Variants in NR2C2 observed in about 807,000 individuals in gnomAD.
NR2C2 encodes the protein nuclear receptor subfamily 2 group C member 2.
Under a neutral mutation model 62.9 loss-of-function variants are expected in NR2C2, and 6 were observed. The ratio of observed to expected loss-of-function variants is 0.10; its 90% CI spans 0.05 to 0.19. The LOEUF is 0.19. Among genes scored for constraint, NR2C2 ranks in the 10% least tolerant of loss-of-function variants. The pLI is 1.00. For synonymous variants in NR2C2, 272 were observed against 273.8 expected (o/e 0.99, Z 0.07); for missense variants, 479 against 762.7 (o/e 0.63, Z 4.38).
At chr3:15,018,363 A>G (rs934680541) in intron 4 of NR2C2, among the ~76,000 whole-genome samples, 13 of 152,336 alleles carry the variant, frequency 8.5e-5, no homozygotes, top group Non-Finnish European at 1.0e-4. Context: ...ACACCTGACA[A>G]AGGGTTACTA....
At chr3:14,982,607 T>C (rs886466803) in intron 1 of NR2C2, among the ~76,000 whole-genome samples, 5 of 152,214 alleles carry the variant, frequency 3.3e-5, no homozygotes, top group Non-Finnish European at 7.3e-5. Flanking sequence ...TGAAATTTTA[T>C]TTTCTCTCAC....
At chr3:14,948,838 C>T (rs578100983) in intron 1 of NR2C2, 2 of 152,332 alleles carry the variant, frequency 1.3e-5, no homozygotes, top group East Asian at 1.9e-4. Flanking sequence ...GGCGAATCCC[C>T]TAATGAGGCT....
chr3:15,035,985 G>A (rs914391747), intron 11 of NR2C2, among the ~76,000 whole-genome samples: 9 of 152,280 alleles, frequency 5.9e-5, no homozygotes, highest in Admixed American at 2.0e-4. Context: ...CCGAGATCAC[G>A]CCACTGCACT....
rs562062919 is a variant in NR2C2 at position 15,047,621 on chromosome 3, T to C, written c.*4613T>C. On this transcript the variant is annotated 3_prime_UTR_variant, in exon 14 of 14. Transcript: ENST00000425241. ...AAAGATGGTAGCAATTTCCCAGGCT[T>C]GCGCTGTGCTCAGTCAGCAAGATGT... 5 of 152,232 alleles carry C rather than the reference T, an allele frequency of 3.3e-5. No individual in the cohort carries two copies. Among genetic ancestry groups the C allele is most frequent in the Non-Finnish European group, 7.3e-5 (5 of 68,050 alleles). The allele number at this position is 152,232 out of a possible 1,614,324, so 9.4% of individuals were successfully genotyped here. A position where few individuals can be genotyped will look rare whatever the true frequency, so the allele number is the denominator to read the frequency against.
chr3:14,949,166 CACTAGAGTTGGGGGCTGGG>C (rs554607370), intron 1 of NR2C2, among the ~76,000 whole-genome samples: 2 of 151,102 alleles, frequency 1.3e-5, no homozygotes, highest in East Asian at 4.0e-4. Flanking sequence ...CCCCTGCCCT[CACTAGAGTTGGGGGCTGGG>C]GGGTGAATAG....
chr3:14,984,504 A>G (rs1024363970), intron 1 of NR2C2, among the ~76,000 whole-genome samples: 3 of 152,146 alleles, frequency 2.0e-5, no homozygotes, highest in Admixed American at 2.0e-4. Context: ...CTGATCTTCT[A>G]ATTGTTTTAG....
At chr3:15,030,586 G>A (rs1186319602) in intron 9 of NR2C2, 134 bp downstream of exon 9, 13 of 850,230 alleles carry the variant, frequency 1.5e-5, no homozygotes, top group East Asian at 5.9e-5. Context: ...TTAGCACTTC[G>A]GGAGGCCAAG....
chr3:14,975,901 A>G (rs1347019550), intron 1 of NR2C2, among the ~76,000 whole-genome samples: 1 of 151,816 alleles, frequency 6.6e-6, no homozygotes, highest in Non-Finnish European at 1.5e-5. Context: ...TTATAGGTCT[A>G]TTTGGATTTT....
intron 1 of NR2C2, among the ~76,000 whole-genome samples, chr3:14,994,175 C>G (rs780790313): frequency 1.3e-5 from 2 of 152,170 alleles, no homozygotes; most frequent in African/African-American, 4.8e-5. Flanking sequence ...TTTATCCACT[C>G]ATCTGCGTAC....
intron 1 of NR2C2, among the ~76,000 whole-genome samples, chr3:14,980,333 A>T (rs1398555704): frequency 1.3e-5 from 2 of 151,256 alleles, no homozygotes; most frequent in African/African-American, 4.9e-5. Flanking sequence ...AAAAAAAAAA[A>T]TGTTTTTTTG....
At chr3:14,994,977 CT>C (rs71038447) in intron 1 of NR2C2, among the ~76,000 whole-genome samples, 19,910 of 104,018 alleles carry the variant, frequency 0.19, 1,105 homozygotes, top group Non-Finnish European at 0.25. Context: ...ATACAATTCA[CT>C]TTTTTTTTTT....
At chr3:15,008,974 A>G (rs2041270907) in intron 2 of NR2C2, among the ~76,000 whole-genome samples, 1 of 152,188 alleles carries the variant, frequency 6.6e-6, no homozygotes. Context: ...TAATCCCAGC[A>G]CTTTGGGAGG....
intron 1 of NR2C2, among the ~76,000 whole-genome samples, chr3:14,967,194 G>A (rs922080049): frequency 2.0e-5 from 3 of 151,998 alleles, no homozygotes; most frequent in Non-Finnish European, 2.9e-5. Context: ...TGTAAGGTCA[G>A]TGGTAATTTA....
At chr3:14,949,055 G>A (rs569559743) in intron 1 of NR2C2, among the ~76,000 whole-genome samples, 1 of 152,310 alleles carries the variant, frequency 6.6e-6, no homozygotes, top group Admixed American at 6.5e-5. Context: ...GTTTGAGAGA[G>A]CACAATTCGG....
intron 1 of NR2C2, among the ~76,000 whole-genome samples, chr3:15,001,994 G>C (rs930565023): frequency 7.2e-5 from 11 of 152,132 alleles, no homozygotes; most frequent in Admixed American, 5.9e-4. Flanking sequence ...TGTGGATTCT[G>C]TGGGATTTTT....
chr3:15,042,479 T>C, intron 13 of NR2C2: 1 of 178,394 alleles, frequency 5.6e-6, no homozygotes, highest in Non-Finnish European at 1.2e-5. Flanking sequence ...TAAATACAGG[T>C]TTGTATTATC....
At chr3:14,949,364 C>G (rs112413566) in intron 1 of NR2C2, among the ~76,000 whole-genome samples, 2 of 152,216 alleles carry the variant, frequency 1.3e-5, no homozygotes, top group South Asian at 2.1e-4. Flanking sequence ...GACAGGACAT[C>G]CCGTGTAACG....
At chr3:14,952,936 TGAG>T (rs765355344) in intron 1 of NR2C2, among the ~76,000 whole-genome samples, 21 of 152,068 alleles carry the variant, frequency 1.4e-4, no homozygotes, top group Non-Finnish European at 2.6e-4. Context: ...TCAACAATGA[TGAG>T]GAGTGGGAAT....
Position 15,046,122 on chromosome 3 carries a change from A to C in NR2C2, c.*3114A>C, listed in dbSNP as rs1016901119. 4 of 152,222 alleles carry C rather than the reference A, an allele frequency of 2.6e-5. No homozygotes were observed. Among genetic ancestry groups the C allele is most frequent in the African/African-American group, 9.6e-5 (4 of 41,462 alleles). 9.4% of individuals were successfully genotyped at this position (152,222 alleles called of 1,614,324 possible). On this transcript the variant is annotated 3_prime_UTR_variant, in exon 14 of 14. Transcript: ENST00000425241. ...AGTGTGTTACCTACCATACTCTCCT[A>C]ATTTGACATTTCTGTGTCCTGAGGA...
Sources: allele counts gnomAD v4.1 joint callset (sites outside exome capture counted in the v4.1 genomes callset), GRCh38; gene constraint gnomAD v4.1.1; transcripts MANE v1.5; gene names NCBI Gene and HGNC (gene_info 2026-07-23, HGNC 2026-07-21).